NHSL1: variants seen among roughly 807,000 people sequenced by gnomAD.
The protein encoded by NHSL1 is NHS like 1.
In NHSL1, 48 loss-of-function variants were observed where a neutral mutation model predicts 95.0. The ratio of observed to expected loss-of-function variants is 0.51; its 90% CI spans 0.40 to 0.64. The LOEUF is 0.64. Among genes scored for constraint, NHSL1 ranks in the 30% least tolerant of loss-of-function variants. NHSL1 has a pLI of 0.00. For missense variants in NHSL1, 1,971 were observed against 2,077.7 expected (o/e 0.95, Z 1.00); for synonymous variants, 783 against 833.9 (o/e 0.94, Z 1.05).
rs774714667 is a variant in NHSL1, at chr6:138,633,044, TA to T, written c.96+59431del. Among the ~76,000 whole-genome samples the T allele has an allele frequency of 4.6e-5, 7 of 152,008 alleles. No individual in the cohort carries two copies. The East Asian group carries it at 1.4e-3, about 29-fold the overall frequency. On this transcript the variant is annotated intron_variant, in intron 1 of 3. Transcript: ENST00000491526. ...AATAATCAAGCAGAAATTCTGGAGA[TA>T]AAAAATGCAATTAGCCTACTGAAGA...
intron 1 of NHSL1, among the ~76,000 whole-genome samples, chr6:138,583,991 C>T (rs879783705): frequency 3.3e-5 from 5 of 152,060 alleles, no homozygotes; most frequent in African/African-American, 9.7e-5. Flanking sequence ...CGGTGGTGCT[C>T]GCCTATAGTC....
At chr6:138,602,592 C>T (rs574056019) in intron 1 of NHSL1, among the ~76,000 whole-genome samples, 16 of 152,314 alleles carry the variant, frequency 1.1e-4, no homozygotes, top group African/African-American at 3.8e-4. Context: ...TCCTGCCCAT[C>T]TCAACTTCCC....
chr6:138,523,646 A>AAAAAAAAAAAAAAG (rs1781782595), intron 1 of NHSL1, among the ~76,000 whole-genome samples: 1 of 150,186 alleles, frequency 6.7e-6, no homozygotes, highest in Non-Finnish European at 1.5e-5. Context: ...AAAAAAAAAA[A>AAAAAAAAAAAAAAG]AAAAAACAGA....
Position 138,429,752 on chromosome 6 carries a change from A to G in NHSL1, c.4044T>C (p.Ser1348=). ...EDGNDEVMTP[S]RPRTTEDLFA... is the part of the protein sequence containing the mutation. ...AAAGGTCTTCTGTGGTCCTGGGTCG[A>G]CTGGGGGTCATTACCTCATCATTCC... Residue 1348 remains serine (S), a synonymous_variant, in exon 7 of 8, where the codon AGT becomes AGC. Transcript: ENST00000343505. The G allele has an allele frequency of 6.4e-7, 1 of 1,551,970 alleles. No individual in the cohort carries two copies. The highest frequency in any genetic ancestry group is 1.2e-5 in the South Asian group (1 of 84,058).
intron 1 of NHSL1, chr6:138,650,521 G>A: frequency 3.2e-6 from 2 of 622,284 alleles, no homozygotes; most frequent in Non-Finnish European, 3.1e-6. Flanking sequence ...AAGTAGGCCA[G>A]TAGGTTACAG....
chr6:138,447,201 G>GA lies in NHSL1; in HGVS notation c.340-9dup. On this transcript the variant is annotated splice_polypyrimidine_tract_variant and intron_variant, in intron 3 of 7. Transcript: ENST00000343505. ...TGATGAAGACAGAGAACACTGCAGA[G>GA]AAAAAAGAAGCAGCAGCCACAGTGT... The GA allele has an allele frequency of 6.5e-7, 1 of 1,547,466 alleles. No homozygotes were observed. The highest frequency in any genetic ancestry group is 2.0e-5 in the Admixed American group (1 of 50,602).
intron 3 of NHSL1, chr6:138,464,162 G>T: frequency 1.6e-6 from 1 of 610,086 alleles, no homozygotes. Flanking sequence ...CTGATGGGAA[G>T]CAGTACAGTT....
In NHSL1 at chr6:138,431,673, G is replaced by T; in HGVS notation, c.2672C>A (p.Ser891Tyr). ...GGAAATGGATACTGAAGATATCAGA[G>T]AGGACTTCCTTTCTGGTACCTTGGG... ...PKPKVPERKS[S>Y]LISSVSISSS... is the part of the protein sequence containing the mutation. Residue 891 changes from serine (S) to tyrosine (Y), a missense_variant, in exon 6 of 8, where the codon TCT becomes TAT. Ser to Tyr is a moderately radical substitution (Grantham distance 144). Coordinates refer to ENST00000343505, the MANE Select transcript of NHSL1 (RefSeq NM_001144060.2). This position sits in a 1 kb window ranked among gnomAD's most constrained non-coding sequence, Gnocchi z 4.0. 1 of 1,551,496 alleles carries T rather than the reference G, an allele frequency of 6.4e-7. No homozygotes were observed. The highest frequency in any genetic ancestry group is 8.7e-7 in the Non-Finnish European group (1 of 1,146,786).
intron 3 of NHSL1, among the ~76,000 whole-genome samples, chr6:138,452,183 C>T (rs971202785): frequency 2.0e-5 from 3 of 152,122 alleles, no homozygotes; most frequent in Admixed American, 1.3e-4. Context: ...AGCCATGATT[C>T]CTTGTGTCAA....
chr6:138,691,893 G>A (rs1271344427), intron 1 of NHSL1: 3 of 456,576 alleles, frequency 6.6e-6, no homozygotes, highest in Non-Finnish European at 4.4e-6. Context: ...GTCAGTCTGG[G>A]AGAAGAAAGA....
In NHSL1 at chr6:138,430,928, C is replaced by T. The variant is rs997568209; in HGVS notation, c.3417G>A (p.Pro1139=). 9.7e-6 allele frequency: 15 copies of T among 1,551,432 alleles called. No homozygotes were observed. In the East Asian group the frequency reaches 2.4e-4, roughly 25 times the overall value. ...CCTGACTCGAGCTCTTGGCAGGCGTCGGAAGCGAGCTTGTCACAGAGGCAG... is the reference window on the plus strand; with the variant it reads ...CCTGACTCGAGCTCTTGGCAGGCGTTGGAAGCGAGCTTGTCACAGAGGCAG... ...SQPASVTSSL[P]TPAKSSSQGD... The change falls in exon 6 of 8, where the codon CCG becomes CCA. Residue 1139 remains proline, a synonymous_variant. Coordinates refer to ENST00000343505, the MANE Select transcript of NHSL1 (RefSeq NM_001144060.2). This position sits in a 1 kb window ranked among gnomAD's most constrained non-coding sequence, Gnocchi z 4.7.
At chr6:138,623,704 C>CA (rs747633703) in intron 1 of NHSL1, among the ~76,000 whole-genome samples, 14 of 152,296 alleles carry the variant, frequency 9.2e-5, no homozygotes, top group Middle Eastern at 6.8e-3. Flanking sequence ...AAGCCAAACT[C>CA]ACAATCCTGA....
upstream of NHSL1, among the ~76,000 whole-genome samples, chr6:138,550,254 A>G (rs1010411987): frequency 6.6e-6 from 1 of 152,152 alleles, no homozygotes; most frequent in Non-Finnish European, 1.5e-5. Context: ...AAAAAATAAT[A>G]AAATAATTTT....
chr6:138,511,803 G>A (rs1781244512), intron 1 of NHSL1, among the ~76,000 whole-genome samples: 1 of 152,124 alleles, frequency 6.6e-6, no homozygotes, highest in Non-Finnish European at 1.5e-5. Flanking sequence ...GAGCACAGTG[G>A]CACACGCCTG....
At chr6:138,473,281 C>T (rs1031790966) in intron 3 of NHSL1, 25 bp downstream of exon 3, 2 of 1,513,602 alleles carry the variant, frequency 1.3e-6, no homozygotes, top group African/African-American at 2.8e-5. Context: ...CAACCCAGGA[C>T]CCCGTGTTGA....
intron 1 of NHSL1, among the ~76,000 whole-genome samples, chr6:138,686,392 G>A (rs1262783844): frequency 6.6e-6 from 1 of 151,968 alleles, no homozygotes; most frequent in Non-Finnish European, 1.5e-5. Flanking sequence ...ATGGTGGCAT[G>A]TGCCTATAGT....
At chr6:138,475,999 T>A (rs1045553252) in intron 2 of NHSL1, among the ~76,000 whole-genome samples, 2 of 152,088 alleles carry the variant, frequency 1.3e-5, no homozygotes, top group South Asian at 4.1e-4. Flanking sequence ...AAGCAACAGA[T>A]GTTGGCATGG....
intron 1 of NHSL1, among the ~76,000 whole-genome samples, chr6:138,525,081 C>T (rs1249492017): frequency 2.0e-5 from 3 of 152,088 alleles, no homozygotes; most frequent in African/African-American, 4.8e-5. Flanking sequence ...CTAGTCCTCA[C>T]CTTGCCAGGT....
At position 138,433,634 on chromosome 6, in the gene NHSL1, G is replaced by T. The variant is rs200601315; in HGVS notation, c.711C>A (p.Thr237=). The part of the protein sequence containing the change: ...QDDADGHSVY[T]PDHYSTLGRF... ...TTCCTAGTGTAGAGTAGTGATCAGG[G>T]GTGTACACTGAGTGGCCATCAGCAT... is the stretch of plus-strand genomic sequence containing the variant. The change falls in exon 6 of 8, where the codon ACC becomes ACA. Residue 237 remains threonine, a synonymous_variant. Transcript: ENST00000343505. 545 of 1,549,094 alleles carry T rather than the reference G, an allele frequency of 3.5e-4. No individual in the cohort carries two copies. Among genetic ancestry groups the T allele is most frequent in the Non-Finnish European group, 4.6e-4 (521 of 1,144,778 alleles).
Sources: gnomAD v4.1 joint callset for allele counts (sites outside exome capture counted in the v4.1 genomes callset) on GRCh38, gnomAD v4.1.1 for gene constraint, Gnocchi (gnomAD v3.1) non-coding constraint, MANE v1.5 for transcripts, NCBI Gene and HGNC (gene_info 2026-07-23, HGNC 2026-07-21) for gene names.